The following TAOK1 variants were observed in gnomAD, a reference collection of about 807,000 sequenced individuals.
TAOK1 encodes the protein serine/threonine-protein kinase TAO1.
Under a neutral mutation model 138.3 loss-of-function variants are expected in TAOK1, and 21 were observed. The observed-to-expected ratio is 0.15, with a 90% confidence interval of 0.11 to 0.22. The LOEUF (loss-of-function observed/expected upper bound fraction) is 0.22. Among genes scored for constraint, TAOK1 ranks in the 10% least tolerant of loss-of-function variants. TAOK1 has a pLI of 1.00. For missense variants in TAOK1, 651 were observed against 1,227.7 expected, an observed-to-expected ratio of 0.53 and a Z score of 7.02; for synonymous variants, 361 against 398.4, an observed-to-expected ratio of 0.91 and a Z score of 1.12.
At position 29,522,254 on chromosome 17, in the gene TAOK1, C is replaced by T. The variant is rs778948165; in HGVS notation, c.1909-26C>T. 25 of 1,611,454 alleles carry T rather than the reference C, an allele frequency of 1.6e-5. No homozygotes were observed. In the South Asian group the frequency reaches 2.3e-4, roughly 15 times the overall value. ...TGGCATTATACAGCAGTAAGTTATA[C>T]CTTTGTCTTTTGTGTTATGGATTAG... On this transcript the variant is annotated intron_variant, in intron 16 of 19. Transcript: ENST00000261716.
At chr17:29,449,697 C>T (rs993258100) in intron 1 of TAOK1, among the ~76,000 whole-genome samples, 8 of 152,042 alleles carry the variant, frequency 5.3e-5, no homozygotes, top group South Asian at 2.1e-4. Flanking sequence ...AAAAATTAGC[C>T]GGGGGCGGTG....
At chr17:29,412,773 A>C (rs1316448458) in intron 1 of TAOK1, among the ~76,000 whole-genome samples, 4 of 152,212 alleles carry the variant, frequency 2.6e-5, no homozygotes, top group Non-Finnish European at 4.4e-5. Context: ...CTATTTATAC[A>C]ACGAAAGTAA....
In TAOK1 at chr17:29,473,618, T is replaced by TG. The variant is rs200634565; in HGVS notation, c.205-2051dup. Reference sequence around the variant, plus strand: ...TCAAAAAAAAAAAAAAAAAATCTGTTGCGTAATGTAGCCACCTTCATCAAT... The same window carrying TG: ...TCAAAAAAAAAAAAAAAAAATCTGTTGGCGTAATGTAGCCACCTTCATCAAT... On this transcript the variant is annotated intron_variant, in intron 3 of 19. Transcript: ENST00000261716. 1.0e-3 allele frequency among the ~76,000 whole-genome samples: 158 copies of TG among 152,076 alleles called. 1 individual carries two copies. In the East Asian group the frequency reaches 0.027, roughly 26 times the overall value.
At chr17:29,423,577 A>G (rs1322056874) in intron 1 of TAOK1, among the ~76,000 whole-genome samples, 2 of 152,082 alleles carry the variant, frequency 1.3e-5, no homozygotes, top group African/African-American at 4.8e-5. Flanking sequence ...TTCAATTCAG[A>G]ATATTTTCCA....
At chr17:29,497,898 C>T (rs2031444621) in intron 11 of TAOK1, among the ~76,000 whole-genome samples, 2 of 150,996 alleles carry the variant, frequency 1.3e-5, no homozygotes. Flanking sequence ...GGCACTGTGC[C>T]CAGAATAGCC....
intron 1 of TAOK1, among the ~76,000 whole-genome samples, chr17:29,392,195 G>A (rs1253875287): frequency 6.6e-6 from 1 of 151,952 alleles, no homozygotes; most frequent in East Asian, 1.9e-4. Flanking sequence ...CAACCTGGGC[G>A]ACAGAGCGAG....
At chr17:29,489,539 A>G in intron 8 of TAOK1, 125 bp from the exon 9 acceptor site, 6 of 636,604 alleles carry the variant, frequency 9.4e-6, no homozygotes, top group South Asian at 7.5e-5. Context: ...TCTACTTGCA[A>G]TTTTTTGTGT....
intron 1 of TAOK1, among the ~76,000 whole-genome samples, chr17:29,435,212 T>G (rs1344714078): frequency 6.6e-6 from 1 of 152,254 alleles, no homozygotes; most frequent in East Asian, 1.9e-4. Context: ...TGGAGATTGC[T>G]GGTTAGTTCA....
At chr17:29,404,953 A>G (rs983615977) in intron 1 of TAOK1, among the ~76,000 whole-genome samples, 3 of 152,156 alleles carry the variant, frequency 2.0e-5, no homozygotes, top group African/African-American at 7.2e-5. Flanking sequence ...AAATGGCACT[A>G]TGATATGAGT....
At chr17:29,489,623 CT>C (rs755263643) in intron 8 of TAOK1, 40 bp from the exon 9 acceptor site, 16 of 1,436,248 alleles carry the variant, frequency 1.1e-5, no homozygotes, top group Non-Finnish European at 3.8e-6. Flanking sequence ...TTGAGTACCC[CT>C]GGAACCTATT....
intron 16 of TAOK1, among the ~76,000 whole-genome samples, chr17:29,520,450 A>C (rs944226368): frequency 1.3e-5 from 2 of 150,592 alleles, no homozygotes; most frequent in South Asian, 4.2e-4. Context: ...TTGAGACTCT[A>C]TTGCCCAGGC....
intron 8 of TAOK1, among the ~76,000 whole-genome samples, chr17:29,488,803 C>A (rs1448418503): frequency 1.3e-5 from 2 of 151,610 alleles, no homozygotes; most frequent in Non-Finnish European, 2.9e-5. Flanking sequence ...ACAAAATAAG[C>A]AGAAGGTAGA....
At chr17:29,511,938 A>G (rs1281488632) in intron 15 of TAOK1, 1 of 152,214 alleles carries the variant, frequency 6.6e-6, no homozygotes, top group Non-Finnish European at 1.5e-5. Context: ...AATGTAGAAT[A>G]AGGGAGATAT....
intron 2 of TAOK1, among the ~76,000 whole-genome samples, chr17:29,459,112 T>G (rs977936674): frequency 6.6e-6 from 1 of 152,130 alleles, no homozygotes; most frequent in African/African-American, 2.4e-5. Flanking sequence ...GCTTTTCAGC[T>G]TCCTTTTCTG....
chr17:29,491,912 C>A, intron 10 of TAOK1, 47 bp downstream of exon 10: 1 of 1,431,734 alleles, frequency 7.0e-7, no homozygotes, highest in Non-Finnish European at 9.7e-7. Context: ...TAAGACAAGG[C>A]CTCACTTTGT....
intron 17 of TAOK1, 51 bp downstream of exon 17, chr17:29,522,570 C>G: frequency 6.3e-7 from 1 of 1,599,754 alleles, no homozygotes; most frequent in Non-Finnish European, 8.5e-7. Flanking sequence ...GAAAAGGTAT[C>G]CATGTAAGCA....
At chr17:29,511,093 G>A in intron 15 of TAOK1, 101 bp downstream of exon 15, 1 of 1,162,262 alleles carries the variant, frequency 8.6e-7, no homozygotes, top group Non-Finnish European at 1.2e-6. Flanking sequence ...ATCTTTTGTT[G>A]TTTATGGTCA....
chr17:29,417,472 T>C (rs1053332924), intron 1 of TAOK1, among the ~76,000 whole-genome samples: 3 of 152,242 alleles, frequency 2.0e-5, no homozygotes, highest in African/African-American at 7.2e-5. Context: ...TATTCTTAAA[T>C]GTACAACAGG....
At chr17:29,542,228 C>T (rs1050720556) in intron 19 of TAOK1, among the ~76,000 whole-genome samples, 1 of 152,054 alleles carries the variant, frequency 6.6e-6, no homozygotes, top group African/African-American at 2.4e-5. Context: ...CTAGAGACTA[C>T]AGAAGGTGGG....
Sources: allele counts gnomAD v4.1 joint callset (sites outside exome capture counted in the v4.1 genomes callset), GRCh38; gene constraint gnomAD v4.1.1; transcripts MANE v1.5; gene names NCBI Gene and HGNC (gene_info 2026-07-23, HGNC 2026-07-21).